The following SPDYE12 variants were observed in gnomAD, a reference collection of about 807,000 sequenced individuals.
SPDYE12 encodes speedy/RINGO cell cycle regulator family member E12.
the SPDYE12 span, among the ~76,000 whole-genome samples, chr7:74,912,770 CTTTTTTTTTTTTTTT>C: frequency 8.0e-4 from 9 of 11,238 alleles, no homozygotes; most frequent in Non-Finnish European, 1.3e-3. Flanking sequence ...TTTTTTTCTT[CTTTTTTTTTTTTTTT>C]TTTTTTTTTT....
At chr7:74,907,771 A>AAATAAATC in the SPDYE12 span, among the ~76,000 whole-genome samples, 7 of 145,688 alleles carry the variant, frequency 4.8e-5, no homozygotes, top group South Asian at 2.1e-4. Context: ...ATAAATAAAT[A>AAATAAATC]ACTGTCCAGG....
At chr7:74,909,020 GT>G in the SPDYE12 span, among the ~76,000 whole-genome samples, 3 of 107,526 alleles carry the variant, frequency 2.8e-5, no homozygotes, top group Non-Finnish European at 5.9e-5. Context: ...TTGGAGTTTG[GT>G]TTTTTTGCCT....
the SPDYE12 span, among the ~76,000 whole-genome samples, chr7:74,908,124 T>C: frequency 8.2e-5 from 12 of 145,738 alleles, no homozygotes; most frequent in South Asian, 8.9e-4. Flanking sequence ...GTGAACCGAC[T>C]TCAAGGAATG....
the SPDYE12 span, among the ~76,000 whole-genome samples, chr7:74,910,124 C>G: frequency 1.4e-5 from 2 of 145,396 alleles, no homozygotes; most frequent in African/African-American, 5.0e-5. Context: ...GATCCCAGTA[C>G]TTTTTGAGAG....
chr7:74,912,758 CTTT>C, the SPDYE12 span, among the ~76,000 whole-genome samples: 2 of 49,990 alleles, frequency 4.0e-5, no homozygotes, highest in Non-Finnish European at 7.4e-5. Context: ...TCTGACCCTT[CTTT>C]TTTTTCTTCT....
chr7:74,909,694 G>T, the SPDYE12 span: 1 of 1,571,202 alleles, frequency 6.4e-7, no homozygotes, highest in Admixed American at 1.7e-5. Flanking sequence ...GGTCTGGGGA[G>T]GGGCTGCCCA....
At chr7:74,910,336 C>G in the SPDYE12 span, among the ~76,000 whole-genome samples, 1 of 150,554 alleles carries the variant, frequency 6.6e-6, no homozygotes, top group Non-Finnish European at 1.5e-5. Flanking sequence ...GTACTCCATC[C>G]TGGGGAGCAG....
the SPDYE12 span, chr7:74,912,072 TCA>T: frequency 1.8e-5 from 1 of 56,522 alleles, no homozygotes; most frequent in South Asian, 1.1e-4. Flanking sequence ...TGGCTCATCA[TCA>T]GATTCATCCA....
chr7:74,910,000 T>C, the SPDYE12 span, among the ~76,000 whole-genome samples: 4 of 150,498 alleles, frequency 2.7e-5, no homozygotes, highest in African/African-American at 7.3e-5. Flanking sequence ...AAAGGACTCA[T>C]AGGGGAGGCA....
the SPDYE12 span, among the ~76,000 whole-genome samples, chr7:74,904,837 A>G: frequency 6.7e-6 from 1 of 149,228 alleles, no homozygotes; most frequent in Non-Finnish European, 1.5e-5. Flanking sequence ...CAATAAATAA[A>G]ATAATATTTA....
chr7:74,910,125 T>G, the SPDYE12 span, among the ~76,000 whole-genome samples: 1 of 145,316 alleles, frequency 6.9e-6, no homozygotes, highest in Non-Finnish European at 1.5e-5. Context: ...ATCCCAGTAC[T>G]TTTTGAGAGG....
the SPDYE12 span, among the ~76,000 whole-genome samples, chr7:74,906,239 G>T: frequency 7.0e-6 from 1 of 143,028 alleles, no homozygotes. Flanking sequence ...ATGGTTAGCT[G>T]CACAAGATGT....
At chr7:74,909,270 T>G in the SPDYE12 span, among the ~76,000 whole-genome samples, 10 of 151,014 alleles carry the variant, frequency 6.6e-5, no homozygotes, top group African/African-American at 2.4e-4. Flanking sequence ...GCCAGGCTGG[T>G]CTCAAACTCC....
the SPDYE12 span, chr7:74,909,382 A>T: frequency 7.0e-7 from 1 of 1,435,860 alleles, no homozygotes; most frequent in Admixed American, 1.8e-5. Flanking sequence ...TAACAGTCTA[A>T]GATACTATAA....
the SPDYE12 span, among the ~76,000 whole-genome samples, chr7:74,907,618 C>G: frequency 1.3e-5 from 2 of 150,590 alleles, no homozygotes; most frequent in Non-Finnish European, 3.0e-5. Flanking sequence ...TTAGTCCTAG[C>G]TACTCAAGAG....
chr7:74,909,033 G>GCTTTT, the SPDYE12 span, among the ~76,000 whole-genome samples: 8 of 32,002 alleles, frequency 2.5e-4, no homozygotes, highest in Admixed American at 5.4e-4. Flanking sequence ...TTTTTGCCTG[G>GCTTTT]TTTTTTTTTT....
At chr7:74,914,925 AAAAAAAAAAAC>A in the SPDYE12 span, among the ~76,000 whole-genome samples, 10 of 94,290 alleles carry the variant, frequency 1.1e-4, no homozygotes, top group East Asian at 1.3e-3. Context: ...CTACATCTCA[AAAAAAAAAAAC>A]AAAAAAAAAA....
At chr7:74,906,152 C>T in the SPDYE12 span, among the ~76,000 whole-genome samples, 1 of 118,084 alleles carries the variant, frequency 8.5e-6, no homozygotes, top group Non-Finnish European at 1.7e-5. Context: ...AATGTGACAA[C>T]ATCACGAACC....
the SPDYE12 span, among the ~76,000 whole-genome samples, chr7:74,908,166 G>T: frequency 7.7e-6 from 1 of 129,642 alleles, no homozygotes; most frequent in Non-Finnish European, 1.7e-5. Context: ...ATGTGTGCGG[G>T]ACACCCAGAC....
Sources: allele counts gnomAD v4.1 joint callset (sites outside exome capture counted in the v4.1 genomes callset), GRCh38; gene constraint gnomAD v4.1.1; transcripts MANE v1.5; gene names NCBI Gene and HGNC (gene_info 2026-07-23, HGNC 2026-07-21).